Variants in MAP2K3 observed in about 807,000 individuals in gnomAD.
MAP2K3 encodes the protein dual specificity mitogen-activated protein kinase kinase 3.
MAP2K3 carries 30 observed loss-of-function variants against 46.4 expected under a neutral mutation model. That is an observed-to-expected ratio of 0.65 (90% confidence interval 0.48 to 0.88). MAP2K3 has a LOEUF of 0.88. MAP2K3 is among the 40% of genes least tolerant of loss of function. The pLI is 0.00. For synonymous variants in MAP2K3, 189 were observed against 176.3 expected (o/e 1.07, Z -0.57); for missense variants, 380 against 464.5 (o/e 0.82, Z 1.67).
chr17:21,291,169 G>C (rs146737272), intron 1 of MAP2K3, among the ~76,000 whole-genome samples: 1 of 152,294 alleles, frequency 6.6e-6, no homozygotes, highest in East Asian at 1.9e-4. Flanking sequence ...GCATGAACCC[G>C]GGAGGCGGAG....
chr17:21,285,540 C>A (rs1291510306), intron 1 of MAP2K3, among the ~76,000 whole-genome samples: 1 of 152,108 alleles, frequency 6.6e-6, no homozygotes, highest in Non-Finnish European at 1.5e-5. Context: ...TCCCCCAGCT[C>A]TTCTTATCCT....
In MAP2K3 at chr17:21,315,199, G is replaced by C. The variant is rs527590937; in HGVS notation, c.*969G>C. 9.0e-4 allele frequency: 131 copies of C among 145,704 alleles called. 1 individual carries two copies. The highest frequency in any genetic ancestry group is 3.4e-3 in the African/African-American group (129 of 38,234). The allele number at this position is 145,704 out of a possible 1,614,324, so 9.0% of individuals were successfully genotyped here. On this transcript the variant is annotated 3_prime_UTR_variant, in exon 12 of 12. Transcript: ENST00000342679. ...CCTGATGGGTTGGGGCAGTTACCTGGTTGCTGTTTTAATTAAAAAAAAAAA... is the reference window on the plus strand; with the variant it reads ...CCTGATGGGTTGGGGCAGTTACCTGCTTGCTGTTTTAATTAAAAAAAAAAA...
intron 7 of MAP2K3, among the ~76,000 whole-genome samples, chr17:21,304,043 AGGCTTTAATTGATC>A (rs1976752314): frequency 0.01 from 1 of 100 alleles, no homozygotes; most frequent in Non-Finnish European, 0.042. Flanking sequence ...CCTGCCTCCC[AGGCTTTAATTGATC>A]CTGCTGCCCT....
chr17:21,296,213 G>A, intron 1 of MAP2K3: 1 of 1,285,246 alleles, frequency 7.8e-7, no homozygotes, highest in Non-Finnish European at 1.0e-6. Context: ...CGGGGCAGGT[G>A]GGTGGCATTT....
intron 9 of MAP2K3, among the ~76,000 whole-genome samples, chr17:21,309,554 A>G (rs896461343): frequency 2.7e-5 from 4 of 149,796 alleles, no homozygotes; most frequent in African/African-American, 7.3e-5. Flanking sequence ...TAATATTTTT[A>G]TTACATATAA....
chr17:21,290,734 G>C (rs1217933269), intron 1 of MAP2K3, among the ~76,000 whole-genome samples: 2 of 152,312 alleles, frequency 1.3e-5, no homozygotes, highest in African/African-American at 4.8e-5. Flanking sequence ...AGGATCATTT[G>C]AGGGCAGGAG....
intron 1 of MAP2K3, among the ~76,000 whole-genome samples, chr17:21,293,508 G>A (rs1314580334): frequency 6.6e-6 from 1 of 152,312 alleles, no homozygotes; most frequent in Non-Finnish European, 1.5e-5. Flanking sequence ...GATGTTAGGG[G>A]TGCTCCCGAG....
chr17:21,303,052 G>A, intron 6 of MAP2K3, 131 bp from the exon 7 acceptor site: 1 of 1,203,406 alleles, frequency 8.3e-7, no homozygotes, highest in Admixed American at 2.0e-5. Context: ...GCTGGGATGA[G>A]AGGGTGCGTA....
chr17:21,292,630 G>T (rs932629973), intron 1 of MAP2K3, among the ~76,000 whole-genome samples: 9 of 152,300 alleles, frequency 5.9e-5, no homozygotes, highest in Non-Finnish European at 1.3e-4. Context: ...CTCCCAAAGT[G>T]CTGGGATTAC....
intron 7 of MAP2K3, among the ~76,000 whole-genome samples, chr17:21,303,659 A>T (rs8080070): frequency 1.3e-5 from 2 of 152,294 alleles, no homozygotes; most frequent in African/African-American, 4.8e-5. Flanking sequence ...GTTTTCCCAC[A>T]GTGGGTTGGT....
intron 1 of MAP2K3, among the ~76,000 whole-genome samples, chr17:21,298,180 C>A (rs955627225): frequency 1.1e-4 from 17 of 152,428 alleles, no homozygotes; most frequent in South Asian, 1.0e-3. Flanking sequence ...TGAGATAAGG[C>A]CCTGGAGTCC....
Position 21,284,844 on chromosome 17 carries a change from C to T in MAP2K3, c.-77C>T. 6.6e-7 allele frequency: 1 copy of T among 1,513,618 alleles called. No individual in the cohort carries two copies. The highest frequency in any genetic ancestry group is 9.0e-7 in the Non-Finnish European group (1 of 1,116,092). 93.8% of individuals were successfully genotyped at this position (1,513,618 alleles called of 1,614,324 possible). On this transcript the variant is annotated 5_prime_UTR_variant, in exon 1 of 12. Transcript: ENST00000342679. ...CTGGCCTGGGCCGTCTGCCCGCAGC[C>T]ATGAGCGTGCTCGGCCCCGGTGGAG... is the stretch of plus-strand genomic sequence containing the variant.
intron 1 of MAP2K3, among the ~76,000 whole-genome samples, chr17:21,292,327 A>T (rs918196010): frequency 2.0e-5 from 3 of 152,296 alleles, no homozygotes; most frequent in Non-Finnish European, 4.4e-5. Flanking sequence ...ACAAAAAGGC[A>T]GTCTCTTGTT....
At chr17:21,286,663 G>A (rs1265396210) in intron 1 of MAP2K3, among the ~76,000 whole-genome samples, 2 of 152,366 alleles carry the variant, frequency 1.3e-5, no homozygotes, top group East Asian at 3.9e-4. Flanking sequence ...AGCACTGTTT[G>A]TTTTGGAGGC....
intron 6 of MAP2K3, 97 bp downstream of exon 6, chr17:21,302,356 G>A: frequency 7.5e-7 from 1 of 1,339,942 alleles, no homozygotes; most frequent in Non-Finnish European, 1.1e-6. Flanking sequence ...ATGGTGTCTT[G>A]GGCAGAGCTG....
At chr17:21,311,120 T>C (rs7218577) in intron 9 of MAP2K3, among the ~76,000 whole-genome samples, 44,015 of 152,062 alleles carry the variant, frequency 0.29, 6,847 homozygotes, top group African/African-American at 0.4. Context: ...AAAGGGCCTC[T>C]AGCCTGATGG....
chr17:21,289,791 C>A (rs1040752147), intron 1 of MAP2K3, among the ~76,000 whole-genome samples: 3 of 152,226 alleles, frequency 2.0e-5, no homozygotes, highest in Admixed American at 6.5e-5. Flanking sequence ...GCGGCAGCTC[C>A]AGAGAGGGCC....
chr17:21,301,027 A>G (rs763513639), intron 5 of MAP2K3, 34 bp downstream of exon 5: 2 of 1,613,580 alleles, frequency 1.2e-6, no homozygotes, highest in Non-Finnish European at 1.7e-6. Context: ...GGGGATCTCC[A>G]CCTCCCACCC....
At chr17:21,302,900 G>GT (rs1976685371) in intron 6 of MAP2K3, among the ~76,000 whole-genome samples, 1 of 152,310 alleles carries the variant, frequency 6.6e-6, no homozygotes, top group Admixed American at 6.5e-5. Context: ...CAAGAGCTGG[G>GT]TTTTACCCAA....
Sources: allele counts gnomAD v4.1 joint callset (sites outside exome capture counted in the v4.1 genomes callset), GRCh38; gene constraint gnomAD v4.1.1; transcripts MANE v1.5; gene names NCBI Gene and HGNC (gene_info 2026-07-23, HGNC 2026-07-21).